The following VPS13C variants were observed in gnomAD, a reference collection of about 807,000 sequenced individuals.
VPS13C encodes the protein intermembrane lipid transfer protein VPS13C.
In VPS13C, 358 loss-of-function variants were observed where a neutral mutation model predicts 456.8. The observed-to-expected ratio is 0.78, with a 90% CI of 0.72 to 0.86. VPS13C has a LOEUF of 0.86. Among genes scored for constraint, VPS13C ranks in the 40% least tolerant of loss-of-function variants. The probability of loss-of-function intolerance (pLI) is 0.00; values close to 1 mark genes in which losing one functional copy is unlikely to be tolerated. For synonymous variants in VPS13C, 1,578 were observed against 1,486.7 expected, an observed-to-expected ratio of 1.06 and a Z score of -1.41; for missense variants, 4,818 against 4,385.4, an observed-to-expected ratio of 1.10 and a Z score of -2.79.
chr15:62,032,931 G>A (rs1223917267), intron 5 of VPS13C, among the ~76,000 whole-genome samples: 1 of 151,348 alleles, frequency 6.6e-6, no homozygotes, highest in Non-Finnish European at 1.5e-5. Flanking sequence ...AAATGTAAAC[G>A]TAAGGCAGGA....
chr15:62,028,262 A>T (rs2047703345), intron 6 of VPS13C, 96 bp downstream of exon 6: 1 of 1,327,428 alleles, frequency 7.5e-7, no homozygotes, highest in South Asian at 1.2e-5. Flanking sequence ...ATATTTTCTA[A>T]AAGGATGGCA....
chr15:61,947,091 G>A lies in VPS13C; in HGVS notation c.4876+102C>T, dbSNP rs1306042608. On this transcript the variant is annotated intron_variant, in intron 43 of 84. Transcript: ENST00000644861. ...AAAGTTTGCAAAGTCTTCAATATAA[G>A]TAAACCAAAAGAAAACTCATGAGAA... 9.2e-6 allele frequency: 7 copies of A among 758,036 alleles called. No homozygotes were observed. The East Asian group carries it at 1.1e-4, about 12-fold the overall frequency. The allele number at this position is 758,036 out of a possible 1,614,324, so 47.0% of individuals were successfully genotyped here.
At chr15:61,886,232 G>A (rs1168165323) in intron 67 of VPS13C, among the ~76,000 whole-genome samples, 4 of 151,996 alleles carry the variant, frequency 2.6e-5, no homozygotes, top group South Asian at 2.1e-4. Flanking sequence ...AAGATATTCC[G>A]TGTGATGACA....
chr15:62,029,418 G>A (rs1242401051), intron 5 of VPS13C, among the ~76,000 whole-genome samples: 2 of 152,032 alleles, frequency 1.3e-5, no homozygotes, highest in South Asian at 2.1e-4. Context: ...ACTGTTAGCT[G>A]ATCCCACAGA....
At chr15:61,988,403 C>G (rs2046124685) in intron 18 of VPS13C, among the ~76,000 whole-genome samples, 1 of 152,096 alleles carries the variant, frequency 6.6e-6, no homozygotes, top group Non-Finnish European at 1.5e-5. Context: ...AAAAGATGTT[C>G]AACTTCTACA....
chr15:61,886,199 C>T (rs1036260096), intron 67 of VPS13C, among the ~76,000 whole-genome samples: 5 of 152,114 alleles, frequency 3.3e-5, no homozygotes, highest in African/African-American at 1.2e-4. Flanking sequence ...CTTACAGCCT[C>T]ATTATTGTTT....
intron 9 of VPS13C, among the ~76,000 whole-genome samples, chr15:62,016,394 T>C (rs573427066): frequency 6.6e-6 from 1 of 151,398 alleles, no homozygotes; most frequent in Non-Finnish European, 1.5e-5. Flanking sequence ...TTACATTAGG[T>C]ATATCTCTTA....
At chr15:61,973,401 A>T (rs1036800735) in intron 26 of VPS13C, 53 bp downstream of exon 26, 5 of 1,436,278 alleles carry the variant, frequency 3.5e-6, no homozygotes, top group East Asian at 2.3e-5. Context: ...TTATCTCTGT[A>T]TAACAATGTA....
chr15:62,020,445 G>T (rs368485914), intron 9 of VPS13C, 34 bp downstream of exon 9: 9 of 1,577,296 alleles, frequency 5.7e-6, no homozygotes, highest in African/African-American at 1.4e-5. Context: ...TACTTTACAG[G>T]TTCCATAGAA....
intron 1 of VPS13C, among the ~76,000 whole-genome samples, chr15:62,057,721 A>G (rs923378929): frequency 1.3e-5 from 2 of 152,238 alleles, no homozygotes; most frequent in Non-Finnish European, 2.9e-5. Flanking sequence ...GATGAAAGAA[A>G]GTCTCCTTTT....
In VPS13C at chr15:61,920,319, C is replaced by A. The variant is rs2043611796; in HGVS notation, c.7225G>T (p.Gly2409Cys). ...FNNLAKGFSE[G>C]TASTFDYSLK... Reference sequence around the variant, plus strand: ...GAGTAGTCAAAAGTAGAAGCAGTGCCCTCTGAAAAACCCTGAAAAGGAACA... The same window carrying A: ...GAGTAGTCAAAAGTAGAAGCAGTGCACTCTGAAAAACCCTGAAAAGGAACA... The change falls in exon 57 of 85, where the codon GGC becomes TGC. Residue 2409 changes from glycine to cysteine, a missense_variant. By Grantham distance (159) the Gly-to-Cys change is radical. Transcript: ENST00000644861. 2 of 1,595,712 alleles carry A rather than the reference C, an allele frequency of 1.3e-6. No homozygotes were observed. Among genetic ancestry groups the A allele is most frequent in the African/African-American group, 1.3e-5 (1 of 74,332 alleles).
intron 15 of VPS13C, among the ~76,000 whole-genome samples, chr15:62,005,279 C>T: frequency 6.6e-6 from 1 of 152,166 alleles, no homozygotes. Flanking sequence ...TAAGTAATGG[C>T]CTTGTCTCTT....
intron 15 of VPS13C, among the ~76,000 whole-genome samples, chr15:62,006,503 G>A (rs374706157): frequency 2.4e-4 from 36 of 152,108 alleles, no homozygotes; most frequent in African/African-American, 6.5e-4. Context: ...CCAGTCTATC[G>A]TTGTTGGACA....
intron 67 of VPS13C, among the ~76,000 whole-genome samples, chr15:61,887,095 A>T (rs1896324879): frequency 6.6e-6 from 1 of 152,110 alleles, no homozygotes; most frequent in African/African-American, 2.4e-5. Context: ...GAGTGAAGAA[A>T]TAAAGTGTCA....
intron 29 of VPS13C, among the ~76,000 whole-genome samples, chr15:61,966,792 C>T (rs1362925737): frequency 2.0e-5 from 3 of 151,942 alleles, no homozygotes; most frequent in Non-Finnish European, 2.9e-5. Context: ...TCTCCCTACT[C>T]GTCTACAATT....
Position 61,927,315 on chromosome 15 carries a change from A to G in VPS13C, c.6292T>C (p.Ser2098Pro). 6.2e-7 allele frequency: 1 copy of G among 1,611,228 alleles called. No homozygotes were observed. The highest frequency in any genetic ancestry group is 8.5e-7 in the Non-Finnish European group (1 of 1,178,352). The change falls in exon 52 of 85, where the codon TCT (serine) becomes CCT (proline). Residue 2098 changes from serine (S) to proline (P), a missense_variant. Ser to Pro is a moderately conservative substitution (Grantham distance 74). This residue lies in a region of VPS13C where 4,552 missense variants were observed against 4,130.6 expected (regional missense o/e 1.10). Transcript: ENST00000644861. ...TTTAAAGTCATATTTGGTCTAACAGAGTCATCTGAAGAAACAAGCAACAGG... is the reference window on the plus strand; with the variant it reads ...TTTAAAGTCATATTTGGTCTAACAGGGTCATCTGAAGAAACAAGCAACAGG... ...TGKVKIEKDD[S>P]VRPNMTLKAM...
chr15:61,907,005 A>G, intron 66 of VPS13C: 1 of 363,720 alleles, frequency 2.7e-6, no homozygotes, highest in Middle Eastern at 8.6e-4. Context: ...AAATAGGTAA[A>G]TTAATTAAAA....
At chr15:61,924,428 A>G (rs2043774562) in intron 53 of VPS13C, among the ~76,000 whole-genome samples, 1 of 152,206 alleles carries the variant, frequency 6.6e-6, no homozygotes, top group African/African-American at 2.4e-5. Context: ...CGCATATGTC[A>G]TTAAGTTTTT....
At chr15:62,011,711 G>A (rs1281963189) in intron 12 of VPS13C, among the ~76,000 whole-genome samples, 2 of 151,962 alleles carry the variant, frequency 1.3e-5, no homozygotes, top group Non-Finnish European at 2.9e-5. Context: ...TCTCTAGAGT[G>A]GCAGGATTAT....
Sources: gnomAD v4.1 joint callset for allele counts (sites outside exome capture counted in the v4.1 genomes callset) on GRCh38, gnomAD v4.1.1 for gene constraint, gnomAD v4.1.1 regional missense constraint, MANE v1.5 for transcripts, NCBI Gene and HGNC (gene_info 2026-07-23, HGNC 2026-07-21) for gene names.